Variants in LCP2 observed in about 807,000 individuals in gnomAD.
The protein encoded by LCP2 is 76 kDa tyrosine phosphoprotein.
LCP2 carries 29 observed loss-of-function variants against 74.5 expected under a neutral mutation model. That is an observed-to-expected ratio of 0.39 (90% CI 0.29 to 0.53). The LOEUF is 0.53. LCP2 is among the 20% of genes least tolerant of loss of function. The pLI is 0.72. For synonymous variants in LCP2, 228 were observed against 229.5 expected (o/e 0.99, Z 0.06); for missense variants, 604 against 634.6 (o/e 0.95, Z 0.52).
intron 17 of LCP2, among the ~76,000 whole-genome samples, chr5:170,254,481 C>T (rs1296093561): frequency 3.9e-5 from 6 of 152,346 alleles, no homozygotes; most frequent in African/African-American, 1.4e-4. Flanking sequence ...TCCTGAGCCA[C>T]ATCAACAGGA....
At chr5:170,293,263 G>A in intron 2 of LCP2, 47 bp downstream of exon 2, 1 of 1,569,526 alleles carries the variant, frequency 6.4e-7, no homozygotes, top group Non-Finnish European at 8.7e-7. Context: ...ATGGGGAAAA[G>A]TGCCGAACAG....
At chr5:170,292,940 T>C (rs895925796) in intron 2 of LCP2, among the ~76,000 whole-genome samples, 6 of 152,246 alleles carry the variant, frequency 3.9e-5, no homozygotes, top group Admixed American at 2.0e-4. Flanking sequence ...ATGAGGGTGA[T>C]GCCATCCTTT....
intron 13 of LCP2, 30 bp downstream of exon 13, chr5:170,262,605 T>G: frequency 6.5e-7 from 1 of 1,544,184 alleles, no homozygotes; most frequent in Non-Finnish European, 8.9e-7. Flanking sequence ...CCACTGTGAG[T>G]GACAAGCTCA....
intron 20 of LCP2, among the ~76,000 whole-genome samples, chr5:170,249,362 G>GTATATATATATATATATA (rs72371153): frequency 4.6e-5 from 5 of 108,132 alleles, no homozygotes; most frequent in African/African-American, 1.5e-4. Flanking sequence ...GCATGCGTGT[G>GTATATATATATATATATA]TATATATATA....
Position 170,252,498 on chromosome 5 carries a change from T to C in LCP2, c.1259A>G (p.Glu420Gly). 1 of 1,552,078 alleles carries C rather than the reference T, an allele frequency of 6.4e-7. No homozygotes were observed. The highest frequency in any genetic ancestry group is 8.8e-7 in the Non-Finnish European group (1 of 1,130,396). ...GGTAATATAAGAAACGTACCACTCTTCATTTAATGAATTCTGAAAATGTAA... is the reference window on the plus strand; with the variant it reads ...GGTAATATAAGAAACGTACCACTCTCCATTTAATGAATTCTGAAAATGTAA... Reference protein sequence around the residue: ...SPAEEENSLNEEWYVSYITRP... With the variant: ...SPAEEENSLNGEWYVSYITRP... The change falls in exon 19 of 21, where the codon GAA becomes GGA. Residue 420 changes from glutamate to glycine, a missense_variant. Physicochemically the swap from Glu to Gly is moderately conservative, Grantham distance 98 (BLOSUM62 -2). Coordinates refer to ENST00000046794, the MANE Select transcript of LCP2 (RefSeq NM_005565.5).
At chr5:170,293,170 G>C in intron 2 of LCP2, 140 bp downstream of exon 2, 8 of 755,978 alleles carry the variant, frequency 1.1e-5, no homozygotes, top group Non-Finnish European at 1.6e-5. Flanking sequence ...TAGTGAGAGA[G>C]GGGGCCCTAC....
intron 3 of LCP2, among the ~76,000 whole-genome samples, chr5:170,278,198 GC>G (rs1762038608): frequency 6.7e-6 from 1 of 149,704 alleles, no homozygotes; most frequent in East Asian, 2.0e-4. Context: ...CCTTCTAAGT[GC>G]TGGGAACTTA....
At chr5:170,275,660 A>T in intron 4 of LCP2, 135 bp downstream of exon 4, 1 of 775,860 alleles carries the variant, frequency 1.3e-6, no homozygotes, top group Non-Finnish European at 2.1e-6. Flanking sequence ...CTCGTTGGAC[A>T]CCATCTTCCA....
At chr5:170,293,831 A>T (rs1207623749) in intron 1 of LCP2, among the ~76,000 whole-genome samples, 1 of 152,238 alleles carries the variant, frequency 6.6e-6, no homozygotes, top group Non-Finnish European at 1.5e-5. Context: ...ACCTAAAGGG[A>T]TAATATAAAC....
At chr5:170,261,950 T>C (rs1368621584) in intron 13 of LCP2, among the ~76,000 whole-genome samples, 1 of 152,224 alleles carries the variant, frequency 6.6e-6, no homozygotes, top group Non-Finnish European at 1.5e-5. Context: ...TCTAAAATGT[T>C]ATCAAACTCC....
chr5:170,266,697 T>C (rs2113173307), intron 10 of LCP2, 111 bp downstream of exon 10: 1 of 920,750 alleles, frequency 1.1e-6, no homozygotes, highest in Middle Eastern at 2.9e-4. Flanking sequence ...AGTCTCCACT[T>C]CCTAGTATTG....
At position 170,261,135 on chromosome 5, in the gene LCP2, T is replaced by C. The variant is rs768020128; in HGVS notation, c.929A>G (p.His310Arg). 6.2e-7 allele frequency: 1 copy of C among 1,603,136 alleles called. No homozygotes were observed. Among genetic ancestry groups the C allele is most frequent in the Non-Finnish European group, 8.5e-7 (1 of 1,170,392 alleles). The change falls in exon 14 of 21, where the codon CAT (histidine) becomes CGT (arginine). Residue 310 changes from histidine to arginine, a missense_variant and splice_region_variant. Transcript: ENST00000046794. ...CTCTCTTCTGTCTGGTCCCCATCCA[T>C]GCCTGAAATGAATTAGGGCAAATAA... ...LPGKKPPVPK[H>R]GWGPDRREND... is the part of the protein sequence containing the mutation.
chr5:170,269,052 A>G (rs1716067074), intron 7 of LCP2, among the ~76,000 whole-genome samples: 1 of 151,920 alleles, frequency 6.6e-6, no homozygotes, highest in African/African-American at 2.4e-5. Context: ...TCCCCTCTCC[A>G]GTGTCCTGGG....
chr5:170,275,403 T>A (rs570861821), intron 4 of LCP2, 52 bp from the exon 5 acceptor site: 28 of 1,599,944 alleles, frequency 1.8e-5, no homozygotes, highest in Non-Finnish European at 2.1e-5. Context: ...TAAGGGGATC[T>A]CCCTCTTTCC....
chr5:170,288,689 G>T (rs1435482375), intron 2 of LCP2, among the ~76,000 whole-genome samples: 2 of 152,236 alleles, frequency 1.3e-5, no homozygotes, highest in East Asian at 1.9e-4. Context: ...TTGAAAGAGA[G>T]AAAGCCGAGG....
In LCP2 at chr5:170,296,345, C is replaced by A. The variant is rs191821760; in HGVS notation, c.78+1189G>T. ...TGAACTGTACCCCTACCATACCACA[C>A]CTAGTTCAACATGTTCTCATTTTCT... On this transcript the variant is annotated intron_variant, in intron 1 of 20. Coordinates refer to ENST00000046794, the MANE Select transcript of LCP2 (RefSeq NM_005565.5). Among the ~76,000 whole-genome samples the A allele has an allele frequency of 1.3e-3, 197 of 152,312 alleles. 1 individual carries two copies. The highest frequency in any genetic ancestry group is 4.6e-3 in the African/African-American group (193 of 41,574).
intron 19 of LCP2, 37 bp downstream of exon 19, chr5:170,252,397 A>G (rs1423646333): frequency 2.5e-6 from 3 of 1,195,060 alleles, no homozygotes; most frequent in African/African-American, 1.5e-5. Context: ...TGCCATTAAT[A>G]TTTACAACTA....
At chr5:170,292,154 C>T (rs1372450532) in intron 2 of LCP2, among the ~76,000 whole-genome samples, 1 of 152,186 alleles carries the variant, frequency 6.6e-6, no homozygotes, top group Admixed American at 6.5e-5. Flanking sequence ...ATCCCCACCA[C>T]CTATAATGCT....
chr5:170,255,697 CT>C (rs1315459398), intron 17 of LCP2, among the ~76,000 whole-genome samples: 1 of 152,180 alleles, frequency 6.6e-6, no homozygotes, highest in Non-Finnish European at 1.5e-5. Context: ...CAAATTAGTC[CT>C]GCCCCAGTGC....
Sources: allele counts gnomAD v4.1 joint callset (sites outside exome capture counted in the v4.1 genomes callset), GRCh38; gene constraint gnomAD v4.1.1; transcripts MANE v1.5; gene names NCBI Gene and HGNC (gene_info 2026-07-23, HGNC 2026-07-21).